SLC22A25: variants seen among roughly 807,000 people sequenced by gnomAD.
SLC22A25 encodes the protein solute carrier family 22 member 25, also known as MGI:2442751, MGI:2385316, MGI:3042283, MGI:3645714, MGI:3605624, MGI:2442750.
Under a neutral mutation model 45.9 loss-of-function variants are expected in SLC22A25, and 44 were observed. That is an observed-to-expected ratio of 0.96 (90% confidence interval 0.75 to 1.23). The LOEUF (loss-of-function observed/expected upper bound fraction) is 1.23. Ranked by LOEUF, SLC22A25 falls within the 50% of genes most tolerant of loss-of-function variation. The pLI, the probability that SLC22A25 is intolerant of heterozygous loss-of-function variation, is 0.00. For missense variants in SLC22A25, 800 were observed against 666.4 expected (o/e 1.20, Z -2.21); for synonymous variants, 283 against 238.6 (o/e 1.19, Z -1.72).
Position 63,217,744 on chromosome 11 carries a change from C to G in SLC22A25, c.507-9G>C. On this transcript the variant is annotated splice_polypyrimidine_tract_variant and intron_variant, in intron 5 of 11. Transcript: ENST00000306494. ...CGAACTTTCTCCCAAACCTGAGAAA[C>G]AGGGGCACATTAGATAATGGGAACA... The G allele has an allele frequency of 6.3e-7, 1 of 1,598,390 alleles. No homozygotes were observed. The highest frequency in any genetic ancestry group is 1.1e-5 in the South Asian group (1 of 87,658).
chr11:63,227,944 G>A (rs552246901), intron 5 of SLC22A25, among the ~76,000 whole-genome samples: 119 of 152,294 alleles, frequency 7.8e-4, no homozygotes, highest in African/African-American at 2.8e-3. Flanking sequence ...TCCCGTAATT[G>A]CTGTGCTCTT....
intron 9 of SLC22A25, among the ~76,000 whole-genome samples, chr11:63,180,082 G>A (rs1421199770): frequency 6.6e-6 from 1 of 152,158 alleles, no homozygotes; most frequent in East Asian, 1.9e-4. Flanking sequence ...CAGTGCAACT[G>A]TTTTTGGTTT....
At chr11:63,240,019 C>T (rs964041378) in intron 1 of SLC22A25, among the ~76,000 whole-genome samples, 6 of 152,070 alleles carry the variant, frequency 3.9e-5, no homozygotes, top group Non-Finnish European at 5.9e-5. Context: ...AGTGTACTTA[C>T]GCAAACCTAT....
chr11:63,215,667 C>T (rs1565111479), intron 7 of SLC22A25, among the ~76,000 whole-genome samples: 1 of 152,048 alleles, frequency 6.6e-6, no homozygotes, highest in African/African-American at 2.4e-5. Context: ...ACGTTTGTTA[C>T]ACAGGTAAAC....
At chr11:63,187,559 T>G (rs2088609990) in intron 7 of SLC22A25, among the ~76,000 whole-genome samples, 1 of 152,214 alleles carries the variant, frequency 6.6e-6, no homozygotes, top group Non-Finnish European at 1.5e-5. Context: ...CTGATTGCCC[T>G]GGCCAGAACT....
chr11:63,192,463 G>C (rs2088850236), intron 7 of SLC22A25, among the ~76,000 whole-genome samples: 1 of 152,126 alleles, frequency 6.6e-6, no homozygotes, highest in Non-Finnish European at 1.5e-5. Flanking sequence ...GCATCATGAT[G>C]ACAGGATCAA....
At chr11:63,224,794 C>T (rs1262794557) in intron 5 of SLC22A25, among the ~76,000 whole-genome samples, 6 of 77,530 alleles carry the variant, frequency 7.7e-5, no homozygotes, top group African/African-American at 3.2e-4. Context: ...ATTGTACTAT[C>T]TATATCTTGA....
At chr11:63,239,253 T>A (rs951028135) in intron 1 of SLC22A25, 118 bp from the exon 2 acceptor site, 1 of 152,232 alleles carries the variant, frequency 6.6e-6, no homozygotes, top group Non-Finnish European at 1.5e-5. Flanking sequence ...CTGCATCACA[T>A]TTGCAGCAGG....
chr11:63,188,937 A>G (rs1565084054), intron 7 of SLC22A25, among the ~76,000 whole-genome samples: 1 of 152,094 alleles, frequency 6.6e-6, no homozygotes, highest in Non-Finnish European at 1.5e-5. Context: ...CTGTTCTTTT[A>G]CATTTGCTGA....
intron 3 of SLC22A25, among the ~76,000 whole-genome samples, chr11:63,236,647 G>A (rs147678191): frequency 7.9e-5 from 12 of 151,666 alleles, no homozygotes; most frequent in Admixed American, 1.3e-4. Context: ...TGCACCCACT[G>A]TCCTGCACCC....
chr11:63,173,744 A>G (rs2087977724), intron 9 of SLC22A25, among the ~76,000 whole-genome samples: 1 of 152,110 alleles, frequency 6.6e-6, no homozygotes, highest in African/African-American at 2.4e-5. Context: ...CTCTCTGTGC[A>G]TGATTCTTTA....
At chr11:63,231,807 G>C (rs1350293904) in intron 3 of SLC22A25, among the ~76,000 whole-genome samples, 1 of 152,176 alleles carries the variant, frequency 6.6e-6, no homozygotes, top group Non-Finnish European at 1.5e-5. Context: ...ATTAATTTTT[G>C]TGTAAGGTAT....
At chr11:63,226,491 C>T (rs1399426399) in intron 5 of SLC22A25, among the ~76,000 whole-genome samples, 1 of 152,104 alleles carries the variant, frequency 6.6e-6, no homozygotes, top group Non-Finnish European at 1.5e-5. Flanking sequence ...TTCTCCCAAA[C>T]AAATGGAGTC....
intron 7 of SLC22A25, among the ~76,000 whole-genome samples, chr11:63,211,498 A>G (rs1178674069): frequency 6.6e-6 from 1 of 152,020 alleles, no homozygotes; most frequent in Non-Finnish European, 1.5e-5. Context: ...TTGCTCCCCA[A>G]AGTCAGCCTA....
chr11:63,229,960 A>G lies in SLC22A25; in HGVS notation c.-308T>C, dbSNP rs1298354232. Among the ~76,000 whole-genome samples the G allele has an allele frequency of 6.6e-5, 10 of 152,342 alleles. No individual in the cohort carries two copies. In the South Asian group the frequency reaches 2.1e-3, roughly 32 times the overall value. On this transcript the variant is annotated 5_prime_UTR_variant, in exon 4 of 12. Coordinates refer to ENST00000306494, the MANE Select transcript of SLC22A25 (RefSeq NM_199352.6). ...ACATCTACTTATTGATGTCTTTAGTAGCTCCCCAATAGCAGCATTGAACTT... is the reference window on the plus strand; with the variant it reads ...ACATCTACTTATTGATGTCTTTAGTGGCTCCCCAATAGCAGCATTGAACTT...
chr11:63,219,545 C>T (rs1040010177), intron 5 of SLC22A25, among the ~76,000 whole-genome samples: 1 of 152,080 alleles, frequency 6.6e-6, no homozygotes, highest in African/African-American at 2.4e-5. Context: ...CTTATTTATT[C>T]ATTCTATTAT....
Position 63,229,815 on chromosome 11 carries a change from G to T in SLC22A25, c.-163C>A, listed in dbSNP as rs755878978. Among the ~76,000 whole-genome samples, 7 of 152,160 alleles carry T rather than the reference G, an allele frequency of 4.6e-5. No homozygotes were observed. Among genetic ancestry groups the T allele is most frequent in the Non-Finnish European group, 7.3e-5 (5 of 68,038 alleles). Reference sequence around the variant, plus strand: ...CTCTCCCATCTGCAGCAGGGTCACGGAAGCAATTTCCTCAAGTAGTTTTGG... The same window carrying T: ...CTCTCCCATCTGCAGCAGGGTCACGTAAGCAATTTCCTCAAGTAGTTTTGG... On this transcript the variant is annotated 5_prime_UTR_variant, in exon 4 of 12. Transcript: ENST00000306494.
intron 9 of SLC22A25, among the ~76,000 whole-genome samples, chr11:63,179,113 T>A (rs540131227): frequency 6.6e-6 from 1 of 152,064 alleles, no homozygotes; most frequent in East Asian, 1.9e-4. Context: ...AGGGCCATGA[T>A]GCCCGGCTAA....
chr11:63,191,003 C>A (rs143630670), intron 7 of SLC22A25, among the ~76,000 whole-genome samples: 1 of 152,220 alleles, frequency 6.6e-6, no homozygotes, highest in Non-Finnish European at 1.5e-5. Flanking sequence ...CAGGGACCCA[C>A]TTGAGGAGGC....
Sources: allele counts gnomAD v4.1 joint callset (sites outside exome capture counted in the v4.1 genomes callset), GRCh38; gene constraint gnomAD v4.1.1; transcripts MANE v1.5; gene names NCBI Gene and HGNC (gene_info 2026-07-23, HGNC 2026-07-21).